The following SCFD2 variants were observed in gnomAD, a reference collection of about 807,000 sequenced individuals.
The protein encoded by SCFD2 is sec1 family domain containing 2, also known as sec1 family domain-containing protein 2.
SCFD2 carries 54 observed loss-of-function variants against 58.9 expected under a neutral mutation model. The ratio of observed to expected loss-of-function variants is 0.92; its 90% CI spans 0.74 to 1.15. The LOEUF is 1.15. Among genes scored for constraint, SCFD2 ranks in the 50% most tolerant of loss-of-function variants. The pLI, the probability that SCFD2 is intolerant of heterozygous loss-of-function variation, is 0.00. For synonymous variants in SCFD2, 321 were observed against 335.9 expected (o/e 0.96, Z 0.49); for missense variants, 805 against 836.6 (o/e 0.96, Z 0.47).
chr4:53,321,034 A>T (rs1285484108), intron 2 of SCFD2, among the ~76,000 whole-genome samples: 4 of 152,250 alleles, frequency 2.6e-5, no homozygotes, highest in Non-Finnish European at 4.4e-5. Flanking sequence ...TAAAATGCCA[A>T]TACATACTAA....
intron 5 of SCFD2, among the ~76,000 whole-genome samples, chr4:52,971,236 T>A (rs1157883402): frequency 6.6e-6 from 1 of 152,094 alleles, no homozygotes; most frequent in East Asian, 1.9e-4. Context: ...AGGAGGAAGT[T>A]TGAACCCATG....
At chr4:52,877,320 A>ACAGATG (rs1718497132) in intron 8 of SCFD2, among the ~76,000 whole-genome samples, 1 of 152,090 alleles carries the variant, frequency 6.6e-6, no homozygotes, top group Non-Finnish European at 1.5e-5. Context: ...AGGGGTGAAA[A>ACAGATG]GAAACAGATG....
intron 5 of SCFD2, among the ~76,000 whole-genome samples, chr4:53,050,688 T>C (rs1397934755): frequency 6.6e-6 from 1 of 152,194 alleles, no homozygotes; most frequent in Non-Finnish European, 1.5e-5. Flanking sequence ...ACAGATATGA[T>C]CAAGTTACTC....
At chr4:53,229,615 T>A (rs943241198) in intron 4 of SCFD2, among the ~76,000 whole-genome samples, 6 of 152,162 alleles carry the variant, frequency 3.9e-5, no homozygotes, top group African/African-American at 1.4e-4. Flanking sequence ...TATACAAAAA[T>A]TAATTCAAGA....
intron 4 of SCFD2, among the ~76,000 whole-genome samples, chr4:53,216,118 G>T (rs1577852756): frequency 6.6e-6 from 1 of 151,958 alleles, no homozygotes; most frequent in Admixed American, 6.6e-5. Flanking sequence ...TTTTTTTGTT[G>T]TGTCTCTGCC....
rs1360594493 is a variant in SCFD2 at position 53,331,642 on chromosome 4, A to C, written c.1008-17879T>G. On this transcript the variant is annotated intron_variant, in intron 2 of 8. Transcript: ENST00000401642. ...AGCACTAAATGCCCACAGGAGAAAG[A>C]AGGAAAGATCTAAAATTGACACCCT... 2.0e-4 allele frequency among the ~76,000 whole-genome samples: 30 copies of C among 152,258 alleles called. 1 individual carries two copies. The highest frequency in any genetic ancestry group is 4.6e-4 in the African/African-American group (19 of 41,560).
chr4:53,137,603 T>C (rs1183166370), intron 5 of SCFD2, among the ~76,000 whole-genome samples: 10 of 152,344 alleles, frequency 6.6e-5, no homozygotes, highest in African/African-American at 1.9e-4. Flanking sequence ...CATGCCTCTA[T>C]CATGAACCAC....
At chr4:53,358,611 G>C (rs1734465362) in intron 1 of SCFD2, among the ~76,000 whole-genome samples, 1 of 150,766 alleles carries the variant, frequency 6.6e-6, no homozygotes, top group African/African-American at 2.4e-5. Flanking sequence ...TGAACTAAGA[G>C]AGTAAATTTA....
At chr4:53,310,997 T>C (rs1346667256) in intron 3 of SCFD2, among the ~76,000 whole-genome samples, 1 of 152,230 alleles carries the variant, frequency 6.6e-6, no homozygotes, top group African/African-American at 2.4e-5. Context: ...GTTTAAAATA[T>C]ATGTTATAGT....
chr4:53,091,934 T>G (rs187274558), intron 5 of SCFD2, among the ~76,000 whole-genome samples: 1 of 152,292 alleles, frequency 6.6e-6, no homozygotes, highest in Non-Finnish European at 1.5e-5. Context: ...TCTTAAAAGA[T>G]TCAATTACTA....
chr4:53,242,769 A>T (rs1729940605), intron 4 of SCFD2, among the ~76,000 whole-genome samples: 1 of 152,238 alleles, frequency 6.6e-6, no homozygotes, highest in Non-Finnish European at 1.5e-5. Flanking sequence ...CAAAATAGCC[A>T]GTATAAAGAA....
At chr4:53,317,773 G>A (rs955592305) in intron 2 of SCFD2, among the ~76,000 whole-genome samples, 2 of 152,090 alleles carry the variant, frequency 1.3e-5, no homozygotes, top group Non-Finnish European at 2.9e-5. Flanking sequence ...TCCCTAGGAG[G>A]GCTTCTTCTC....
At chr4:53,259,921 G>A (rs1730778867) in intron 4 of SCFD2, among the ~76,000 whole-genome samples, 1 of 151,336 alleles carries the variant, frequency 6.6e-6, no homozygotes, top group African/African-American at 2.4e-5. Flanking sequence ...TTACCTTGCA[G>A]AGGTCTTTCA....
At chr4:53,329,349 G>C (rs942408531) in intron 2 of SCFD2, among the ~76,000 whole-genome samples, 2 of 152,058 alleles carry the variant, frequency 1.3e-5, no homozygotes, top group African/African-American at 4.8e-5. Context: ...GTCCCTGTCT[G>C]ACAGCTTTGA....
chr4:53,272,259 TA>T (rs1731193812), intron 4 of SCFD2, among the ~76,000 whole-genome samples: 1 of 151,256 alleles, frequency 6.6e-6, no homozygotes, highest in African/African-American at 2.5e-5. Flanking sequence ...GTTGGCACTG[TA>T]AACTAGTGCA....
chr4:53,123,190 C>G (rs540113789), intron 5 of SCFD2, among the ~76,000 whole-genome samples: 32 of 152,244 alleles, frequency 2.1e-4, no homozygotes, highest in African/African-American at 7.5e-4. Context: ...TTTCTGTCCC[C>G]CCATTTCCAC....
intron 3 of SCFD2, among the ~76,000 whole-genome samples, chr4:53,293,975 G>T (rs779042907): frequency 6.7e-6 from 1 of 150,134 alleles, no homozygotes; most frequent in Admixed American, 6.7e-5. Flanking sequence ...CTGAGAACAT[G>T]CAATGTTTGG....
At chr4:52,972,713 C>G (rs1434096369) in intron 5 of SCFD2, among the ~76,000 whole-genome samples, 2 of 152,202 alleles carry the variant, frequency 1.3e-5, no homozygotes, top group Non-Finnish European at 2.9e-5. Context: ...ACAGAATATA[C>G]ATTCTTTTCA....
intron 5 of SCFD2, among the ~76,000 whole-genome samples, chr4:53,091,610 T>C (rs1203605620): frequency 6.6e-6 from 1 of 152,120 alleles, no homozygotes; most frequent in Non-Finnish European, 1.5e-5. Flanking sequence ...TTCCATAAAA[T>C]GTCAATTTAG....
Sources: allele counts gnomAD v4.1 joint callset (sites outside exome capture counted in the v4.1 genomes callset), GRCh38; gene constraint gnomAD v4.1.1; transcripts MANE v1.5; gene names NCBI Gene and HGNC (gene_info 2026-07-23, HGNC 2026-07-21).